CCBE1: variants seen among roughly 807,000 people sequenced by gnomAD.
CCBE1 encodes collagen and calcium-binding EGF domain-containing protein 1.
Under a neutral mutation model 50.0 loss-of-function variants are expected in CCBE1, and 37 were observed. That is an observed-to-expected ratio of 0.74 (90% CI 0.57 to 0.97). CCBE1 has a LOEUF of 0.97. Among genes scored for constraint, CCBE1 ranks in the 50% least tolerant of loss-of-function variants. CCBE1 has a pLI of 0.00. For missense variants in CCBE1, 538 were observed against 523.8 expected (o/e 1.03, Z -0.26); for synonymous variants, 234 against 203.7 (o/e 1.15, Z -1.27).
intron 2 of CCBE1, among the ~76,000 whole-genome samples, chr18:59,565,043 G>A (rs1048489912): frequency 3.9e-5 from 6 of 152,190 alleles, no homozygotes; most frequent in African/African-American, 1.4e-4. Flanking sequence ...GATGGGCTTG[G>A]CTAACACAAG....
intron 2 of CCBE1, among the ~76,000 whole-genome samples, chr18:59,657,637 A>G (rs1568257909): frequency 6.6e-6 from 1 of 152,224 alleles, no homozygotes; most frequent in Non-Finnish European, 1.5e-5. Context: ...CACGCCTATA[A>G]TCCCAGCACT....
chr18:59,442,017 C>T (rs186253314), intron 7 of CCBE1, among the ~76,000 whole-genome samples: 35 of 152,300 alleles, frequency 2.3e-4, no homozygotes, highest in African/African-American at 8.4e-4. Context: ...TGATTGCCTC[C>T]TTCCTAATTG....
At chr18:59,578,665 C>A (rs2053037949) in intron 2 of CCBE1, among the ~76,000 whole-genome samples, 1 of 151,880 alleles carries the variant, frequency 6.6e-6, no homozygotes, top group Non-Finnish European at 1.5e-5. Context: ...AAGCTGGAAA[C>A]CATCATTCTC....
chr18:59,639,739 AC>A (rs2053960463), intron 2 of CCBE1, among the ~76,000 whole-genome samples: 2 of 152,080 alleles, frequency 1.3e-5, no homozygotes, highest in Non-Finnish European at 2.9e-5. Flanking sequence ...ATACCTAGAA[AC>A]CCCCATAGTC....
At chr18:59,648,744 C>T (rs1030944900) in intron 2 of CCBE1, among the ~76,000 whole-genome samples, 26 of 152,290 alleles carry the variant, frequency 1.7e-4, no homozygotes, top group Non-Finnish European at 3.1e-4. Flanking sequence ...TGGAACAGGG[C>T]AACTTTTGGT....
In CCBE1 at chr18:59,596,175, G is replaced by A. The variant is rs114630136; in HGVS notation, c.212+100454C>T. Among the ~76,000 whole-genome samples, 463 of 152,284 alleles carry A rather than the reference G, an allele frequency of 3.0e-3. 2 individuals are homozygous for A. The highest frequency in any genetic ancestry group is 0.011 in the African/African-American group (452 of 41,556). On this transcript the variant is annotated intron_variant, in intron 2 of 10. Transcript: ENST00000439986. Reference sequence around the variant, plus strand: ...CTCTCATCCCTATAAAGGAAGCAGAGTCTCTTTTTCAAAAGTGTAGCTCAA... The same window carrying A: ...CTCTCATCCCTATAAAGGAAGCAGAATCTCTTTTTCAAAAGTGTAGCTCAA...
chr18:59,507,873 T>A (rs952496482), intron 2 of CCBE1, among the ~76,000 whole-genome samples: 4 of 151,548 alleles, frequency 2.6e-5, no homozygotes, highest in Non-Finnish European at 5.9e-5. Context: ...TTATGTTAAT[T>A]AGGTTTTTTT....
At chr18:59,581,439 CA>C (rs10676136) in intron 2 of CCBE1, among the ~76,000 whole-genome samples, 234 of 133,228 alleles carry the variant, frequency 1.8e-3, no homozygotes, top group South Asian at 4.3e-3. Context: ...GACTCCATCT[CA>C]AAAAAAAAAA....
intron 2 of CCBE1, among the ~76,000 whole-genome samples, chr18:59,485,580 T>G (rs886818583): frequency 2.9e-5 from 4 of 138,756 alleles, no homozygotes; most frequent in African/African-American, 1.1e-4. Flanking sequence ...GCCAGATATA[T>G]CAGATATTTA....
chr18:59,697,242 G>T lies in CCBE1; in HGVS notation c.101C>A (p.Thr34Asn), dbSNP rs191999971. ...GCCGTCCTCCGGCTCCTCTCTGTAG[G>T]TCCACGTGTGTCCCAACGCCAGGAG... is the stretch of plus-strand genomic sequence containing the variant. ...LLLLALGHTW[T>N]YREEPEDGDR... is the part of the protein sequence containing the mutation. The change falls in exon 1 of 11, where the codon ACC becomes AAC. Residue 34 changes from threonine (T) to asparagine (N), a missense_variant. Transcript: ENST00000439986. 8.8e-4 allele frequency: 1,367 copies of T among 1,549,208 alleles called. 1 individual carries two copies. Among genetic ancestry groups the T allele is most frequent in the Non-Finnish European group, 1.1e-3 (1,314 of 1,146,726 alleles).
intron 2 of CCBE1, among the ~76,000 whole-genome samples, chr18:59,582,306 G>T (rs34378232): frequency 0.076 from 11,553 of 152,154 alleles, 1,345 homozygotes; most frequent in African/African-American, 0.25. Context: ...ACTGCATGGT[G>T]ACCTGAAACC....
At chr18:59,655,378 G>A (rs939267466) in intron 2 of CCBE1, among the ~76,000 whole-genome samples, 1 of 152,164 alleles carries the variant, frequency 6.6e-6, no homozygotes, top group African/African-American at 2.4e-5. Flanking sequence ...GTCAGGAAAG[G>A]GTCCAGGAGA....
chr18:59,597,214 C>A (rs973660714), intron 2 of CCBE1, among the ~76,000 whole-genome samples: 1 of 152,160 alleles, frequency 6.6e-6, no homozygotes, highest in Admixed American at 6.5e-5. Context: ...GTTTCCTCAT[C>A]TGAAAAATAA....
chr18:59,589,083 T>C (rs2053220696), intron 2 of CCBE1, among the ~76,000 whole-genome samples: 1 of 152,170 alleles, frequency 6.6e-6, no homozygotes, highest in Middle Eastern at 3.2e-3. Flanking sequence ...AGCACAGCCA[T>C]GCCCTTCCAG....
chr18:59,537,501 C>T (rs948273176), intron 2 of CCBE1, among the ~76,000 whole-genome samples: 2 of 152,188 alleles, frequency 1.3e-5, no homozygotes, highest in Admixed American at 1.3e-4. Flanking sequence ...TCGCTTGGCT[C>T]TCATTTTCTT....
rs146779633 is a variant in CCBE1 at position 59,645,741 on chromosome 18, C to T, written c.212+50888G>A. Among the ~76,000 whole-genome samples, 548 of 152,270 alleles carry T rather than the reference C, an allele frequency of 3.6e-3. 6 individuals carry two copies. The highest frequency in any genetic ancestry group is 0.012 in the African/African-American group (513 of 41,564). On this transcript the variant is annotated intron_variant, in intron 2 of 10. Transcript: ENST00000439986. ...TGCCCAAAACCTGCCTTAAAAGTATCAAAAGACAGGCTGGGCGCGGTGGCT... is the reference window on the plus strand; with the variant it reads ...TGCCCAAAACCTGCCTTAAAAGTATTAAAAGACAGGCTGGGCGCGGTGGCT...
At chr18:59,605,492 G>T (rs1008200503) in intron 2 of CCBE1, among the ~76,000 whole-genome samples, 2 of 152,224 alleles carry the variant, frequency 1.3e-5, no homozygotes, top group African/African-American at 2.4e-5. Flanking sequence ...GCCTGAAAAA[G>T]AATGTGGTCC....
Position 59,434,317 on chromosome 18 carries a change from A to T in CCBE1, c.*1591T>A, listed in dbSNP as rs1389165347. On this transcript the variant is annotated 3_prime_UTR_variant, in exon 11 of 11. Transcript: ENST00000439986. ...GGATGGGAAATTCCAACATGAGCTA[A>T]TATGAGTGTGAGAACGATCATTTGC... is the stretch of plus-strand genomic sequence containing the variant. 1 of 152,246 alleles carries T rather than the reference A, an allele frequency of 6.6e-6. No individual in the cohort carries two copies. The highest frequency in any genetic ancestry group is 1.5e-5 in the Non-Finnish European group (1 of 68,056). 9.4% of individuals were successfully genotyped at this position (152,246 alleles called of 1,614,324 possible).
intron 2 of CCBE1, among the ~76,000 whole-genome samples, chr18:59,563,295 A>G (rs1357158782): frequency 6.6e-6 from 1 of 152,154 alleles, no homozygotes; most frequent in African/African-American, 2.4e-5. Flanking sequence ...TCTGCTAAAA[A>G]TAAGCACAAT....
Sources: gnomAD v4.1 joint callset for allele counts (sites outside exome capture counted in the v4.1 genomes callset) on GRCh38, gnomAD v4.1.1 for gene constraint, MANE v1.5 for transcripts, NCBI Gene and HGNC (gene_info 2026-07-23, HGNC 2026-07-21) for gene names.